TRAIP: variants seen among roughly 807,000 people sequenced by gnomAD.
TRAIP encodes the protein E3 ubiquitin-protein ligase TRAIP.
A neutral mutation model predicts 65.0 loss-of-function variants in TRAIP; 37 were observed. The ratio of observed to expected loss-of-function variants is 0.57; its 90% CI spans 0.44 to 0.75. The LOEUF is 0.75. Ranked by LOEUF, TRAIP falls within the 30% of genes least tolerant of loss-of-function variation. TRAIP has a pLI of 0.00. For missense variants in TRAIP, 481 were observed against 579.4 expected (o/e 0.83, Z 1.74); for synonymous variants, 187 against 219.1 (o/e 0.85, Z 1.29).
At chr3:49,835,163 G>A (rs762623303) in intron 10 of TRAIP, among the ~76,000 whole-genome samples, 2 of 152,176 alleles carry the variant, frequency 1.3e-5, no homozygotes, top group African/African-American at 4.8e-5. Flanking sequence ...AGCCGAGATC[G>A]TGCCACTGCA....
At chr3:49,844,886 C>G (rs936582399) in intron 3 of TRAIP, among the ~76,000 whole-genome samples, 1 of 152,234 alleles carries the variant, frequency 6.6e-6, no homozygotes, top group Non-Finnish European at 1.5e-5. Context: ...GTCTCCATAG[C>G]AGAAGTTTCT....
intron 9 of TRAIP, 128 bp from the exon 10 acceptor site, chr3:49,839,988 T>C (rs539988083): frequency 2.1e-6 from 2 of 949,626 alleles, no homozygotes; most frequent in South Asian, 2.9e-5. Flanking sequence ...TGATACCTCA[T>C]CATTAGGCTC....
At position 49,844,547 on chromosome 3, in the gene TRAIP, G is replaced by C; in HGVS notation, c.274C>G (p.Gln92Glu). The change falls in exon 4 of 15, where the codon CAG (glutamine) becomes GAG (glutamate). Residue 92 changes from glutamine (Q) to glutamate (E), a missense_variant. Physicochemically the swap from Gln to Glu is conservative, Grantham distance 29. Coordinates refer to ENST00000331456, the MANE Select transcript of TRAIP (RefSeq NM_005879.3). ...TCGTCTCTTGCTAACTCACCTTTCT[G>C]GGAAAGCTGGGCTCTGACATTGTCC... ...ELDNVRAQLS[Q>E]KDKEKRDSQV... The C allele has an allele frequency of 6.2e-7, 1 of 1,613,878 alleles. No homozygotes were observed. The highest frequency in any genetic ancestry group is 8.5e-7 in the Non-Finnish European group (1 of 1,179,972).
At chr3:49,846,984 C>T (rs2081888589) in intron 3 of TRAIP, among the ~76,000 whole-genome samples, 1 of 152,000 alleles carries the variant, frequency 6.6e-6, no homozygotes, top group African/African-American at 2.4e-5. Flanking sequence ...AGTTCGAGAC[C>T]AGCCTGGCCA....
intron 10 of TRAIP, among the ~76,000 whole-genome samples, chr3:49,836,895 T>C (rs2081792629): frequency 6.6e-6 from 1 of 152,082 alleles, no homozygotes; most frequent in African/African-American, 2.4e-5. Context: ...AGATCAACTG[T>C]TGCCATGGAG....
chr3:49,847,622 CA>C lies in TRAIP; in HGVS notation c.157-15del, dbSNP rs776737339. 14 of 1,596,286 alleles carry C rather than the reference CA, an allele frequency of 8.8e-6. No homozygotes were observed. Among genetic ancestry groups the C allele is most frequent in the Non-Finnish European group, 1.2e-5 (14 of 1,167,868 alleles). The stretch of plus-strand genomic sequence containing the variant: ...TCTTTTGCCAACCTGGATGGGAGAA[CA>C]AGGTAAGAGTATGATTGTGTAGCTG... On this transcript the variant is annotated splice_polypyrimidine_tract_variant and intron_variant, in intron 2 of 14. Transcript: ENST00000331456.
intron 1 of TRAIP, 143 bp downstream of exon 1, chr3:49,856,213 G>A (rs1419096167): frequency 2.9e-6 from 2 of 692,548 alleles, no homozygotes; most frequent in Admixed American, 2.8e-5. Flanking sequence ...CCCAGGTTGG[G>A]AAGCTCCCGT....
intron 11 of TRAIP, among the ~76,000 whole-genome samples, chr3:49,831,041 A>G (rs1164356907): frequency 1.3e-5 from 2 of 152,208 alleles, no homozygotes; most frequent in African/African-American, 2.4e-5. Flanking sequence ...GGAGGAAGCC[A>G]GAGTACACAG....
intron 6 of TRAIP, 105 bp downstream of exon 6, chr3:49,842,348 G>T: frequency 1.7e-6 from 2 of 1,144,392 alleles, no homozygotes; most frequent in Non-Finnish European, 2.6e-6. Context: ...GGAGATTTGA[G>T]CCTCGGACAT....
intron 1 of TRAIP, among the ~76,000 whole-genome samples, chr3:49,848,708 G>A (rs977061140): frequency 6.6e-6 from 1 of 152,146 alleles, no homozygotes; most frequent in African/African-American, 2.4e-5. Context: ...TAAAAGAATA[G>A]GAATGTTTGT....
chr3:49,831,798 A>AAGCCT, intron 11 of TRAIP, 118 bp downstream of exon 11: 1 of 1,229,400 alleles, frequency 8.1e-7, no homozygotes, highest in Non-Finnish European at 1.1e-6. Flanking sequence ...AGCCATGGCC[A>AAGCCT]AGCCTAGGCA....
At chr3:49,849,351 C>A (rs908256491) in intron 1 of TRAIP, among the ~76,000 whole-genome samples, 2 of 150,886 alleles carry the variant, frequency 1.3e-5, no homozygotes, top group Non-Finnish European at 3.0e-5. Flanking sequence ...AGTGGCCGGG[C>A]GCAGTGGCTC....
chr3:49,829,106 C>T lies in TRAIP; in HGVS notation c.1407G>A (p.Ser469=), dbSNP rs146951959. 6.9e-5 allele frequency: 112 copies of T among 1,614,174 alleles called. No homozygotes were observed. The African/African-American group carries it at 1.2e-3, about 18-fold the overall frequency. Residue 469 remains serine, a synonymous_variant, in exon 15 of 15, where the codon TCG becomes TCA. Transcript: ENST00000331456. ...CCATTGGTCAGACTCACTGTTCTCA[C>T]GACCACAGGAAGGTGTCCAGCTTGG... ...FQAKLDTFLW[S]
Position 49,839,794 on chromosome 3 carries a change from C to G in TRAIP, c.862G>C (p.Val288Leu). ...LNLPPVASET[V>L]DRLVLESPAP... is the part of the protein sequence containing the mutation. ...AACCTCTCTAAAACCAGGCGGTCGA[C>G]AGTCTCACTGGCCACTGGTGGCAGG... is the stretch of plus-strand genomic sequence containing the variant. Residue 288 changes from valine to leucine, a missense_variant, in exon 10 of 15, where the codon GTC (valine) becomes CTC (leucine). By Grantham distance (32) the Val-to-Leu change is conservative (BLOSUM62 1). Coordinates refer to ENST00000331456, the MANE Select transcript of TRAIP (RefSeq NM_005879.3). 3.7e-6 allele frequency: 6 copies of G among 1,614,234 alleles called. No individual in the cohort carries two copies. The highest frequency in any genetic ancestry group is 5.1e-6 in the Non-Finnish European group (6 of 1,180,026).
chr3:49,851,161 T>TAGAG (rs1342559550), intron 1 of TRAIP, among the ~76,000 whole-genome samples: 2 of 151,840 alleles, frequency 1.3e-5, no homozygotes, highest in African/African-American at 4.8e-5. Context: ...GTGTTTTTAG[T>TAGAG]AGAGATTTCA....
intron 6 of TRAIP, 95 bp from the exon 7 acceptor site, chr3:49,842,034 G>GT: frequency 1.0e-6 from 1 of 999,086 alleles, no homozygotes; most frequent in South Asian, 1.4e-5. Flanking sequence ...CGTTGCTAAG[G>GT]TAACAGGCTA....
intron 1 of TRAIP, among the ~76,000 whole-genome samples, chr3:49,852,436 A>G (rs2081940631): frequency 1.3e-5 from 2 of 151,268 alleles, no homozygotes; most frequent in Non-Finnish European, 2.9e-5. Context: ...ATAATGGCTG[A>G]TAATTTTCCA....
chr3:49,845,799 C>T (rs2081877158), intron 3 of TRAIP, among the ~76,000 whole-genome samples: 1 of 152,232 alleles, frequency 6.6e-6, no homozygotes, highest in South Asian at 2.1e-4. Context: ...TTGTTGCCTT[C>T]ATCACAGGGA....
chr3:49,837,873 C>T (rs1000387924), intron 10 of TRAIP, among the ~76,000 whole-genome samples: 6 of 149,158 alleles, frequency 4.0e-5, no homozygotes, highest in African/African-American at 7.5e-5. Flanking sequence ...TGAGCCACCA[C>T]GCCCGGACTT....
Sources: allele counts gnomAD v4.1 joint callset (sites outside exome capture counted in the v4.1 genomes callset), GRCh38; gene constraint gnomAD v4.1.1; transcripts MANE v1.5; gene names NCBI Gene and HGNC (gene_info 2026-07-23, HGNC 2026-07-21).